The following NBEA variants were observed in gnomAD, a reference collection of about 807,000 sequenced individuals.
NBEA encodes the protein lysosomal-trafficking regulator 2.
Under a neutral mutation model 343.4 loss-of-function variants are expected in NBEA, and 44 were observed. The ratio of observed to expected loss-of-function variants is 0.13; its 90% CI spans 0.10 to 0.16. The LOEUF is 0.16. NBEA is among the 10% of genes least tolerant of loss of function. The pLI, the probability that NBEA is intolerant of heterozygous loss-of-function variation, is 1.00. For synonymous variants in NBEA, 1,175 were observed against 1,238.7 expected (o/e 0.95, Z 1.08); for missense variants, 2,555 against 3,631.3 (o/e 0.70, Z 7.62).
chr13:35,269,277 C>G (rs770451113), intron 34 of NBEA, among the ~76,000 whole-genome samples: 1 of 151,928 alleles, frequency 6.6e-6, no homozygotes, highest in Non-Finnish European at 1.5e-5. Flanking sequence ...TATTCAATAC[C>G]TAGTCATAAT....
intron 39 of NBEA, among the ~76,000 whole-genome samples, chr13:35,449,059 A>G (rs2046177530): frequency 6.6e-6 from 1 of 152,206 alleles, no homozygotes; most frequent in Admixed American, 6.5e-5. Flanking sequence ...ATGTGAAAGC[A>G]TGACATATTT....
intron 49 of NBEA, among the ~76,000 whole-genome samples, chr13:35,641,649 T>G (rs7992104): frequency 0.068 from 10,303 of 152,152 alleles, 394 homozygotes; most frequent in African/African-American, 0.093. Context: ...AGAATAATTA[T>G]TAGCTTGACA....
At chr13:35,095,357 G>A (rs2065280792) in intron 10 of NBEA, among the ~76,000 whole-genome samples, 1 of 150,944 alleles carries the variant, frequency 6.6e-6, no homozygotes, top group Non-Finnish European at 1.5e-5. Flanking sequence ...TTTATACATA[G>A]TTAATAAATA....
chr13:35,196,919 A>G (rs901419748), intron 31 of NBEA, among the ~76,000 whole-genome samples: 5 of 152,124 alleles, frequency 3.3e-5, no homozygotes, highest in African/African-American at 9.7e-5. Flanking sequence ...TATTTATAAC[A>G]TGGCCCATAT....
intron 41 of NBEA, among the ~76,000 whole-genome samples, chr13:35,506,811 C>G (rs1028698090): frequency 8.5e-5 from 13 of 152,102 alleles, no homozygotes; most frequent in African/African-American, 2.9e-4. Flanking sequence ...CAAACCATTT[C>G]TCAAATTATA....
intron 30 of NBEA, among the ~76,000 whole-genome samples, chr13:35,193,579 C>G (rs61947435): frequency 0.098 from 14,953 of 151,866 alleles, 937 homozygotes; most frequent in African/African-American, 0.19. Flanking sequence ...TTAGTCTTCT[C>G]TGACAAGATT....
At chr13:35,086,293 T>C (rs1469335446) in intron 10 of NBEA, among the ~76,000 whole-genome samples, 1 of 151,646 alleles carries the variant, frequency 6.6e-6, no homozygotes, top group African/African-American at 2.4e-5. Flanking sequence ...GCCGTTTTGG[T>C]AACATTTTAA....
intron 36 of NBEA, among the ~76,000 whole-genome samples, chr13:35,335,214 G>A (rs1594258366): frequency 6.6e-6 from 1 of 152,154 alleles, no homozygotes; most frequent in East Asian, 1.9e-4. Context: ...CTGTTTTTAT[G>A]CCAGTAACAT....
chr13:35,357,476 T>A (rs901018118), intron 38 of NBEA, among the ~76,000 whole-genome samples: 4 of 152,042 alleles, frequency 2.6e-5, no homozygotes, highest in Admixed American at 6.6e-5. Context: ...TAGGCCCCAG[T>A]GTGTGTTGTT....
intron 41 of NBEA, among the ~76,000 whole-genome samples, chr13:35,537,495 A>C (rs780878941): frequency 4.6e-5 from 7 of 152,166 alleles, no homozygotes; most frequent in Non-Finnish European, 7.3e-5. Context: ...CTTATAGTCT[A>C]GTGGAGGAGA....
chr13:35,307,617 A>G (rs937094593), intron 35 of NBEA, among the ~76,000 whole-genome samples: 2 of 152,092 alleles, frequency 1.3e-5, no homozygotes, highest in African/African-American at 4.8e-5. Context: ...GTTTATGGTG[A>G]CTAAAGAGTC....
chr13:35,598,610 A>G (rs560618401), intron 47 of NBEA, among the ~76,000 whole-genome samples: 5 of 152,190 alleles, frequency 3.3e-5, no homozygotes, highest in Non-Finnish European at 5.9e-5. Context: ...AATACTCACA[A>G]ATCCTTTTGG....
intron 1 of NBEA, among the ~76,000 whole-genome samples, chr13:34,997,145 G>C (rs558158370): frequency 6.6e-6 from 1 of 152,158 alleles, no homozygotes; most frequent in African/African-American, 2.4e-5. Flanking sequence ...ATATGACTTT[G>C]TTTTCCAGTG....
At chr13:35,108,266 T>G (rs937493121) in intron 11 of NBEA, among the ~76,000 whole-genome samples, 2 of 152,062 alleles carry the variant, frequency 1.3e-5, no homozygotes, top group Non-Finnish European at 2.9e-5. Flanking sequence ...CAAAATAGTA[T>G]CACTAGATGA....
intron 41 of NBEA, among the ~76,000 whole-genome samples, chr13:35,492,906 TGAA>T (rs771752605): frequency 4.0e-5 from 6 of 151,734 alleles, no homozygotes; most frequent in Non-Finnish European, 7.4e-5. Context: ...CAACCCTAGA[TGAA>T]GGAGAAAAGT....
At chr13:35,502,509 T>C (rs2076925025) in intron 41 of NBEA, among the ~76,000 whole-genome samples, 1 of 151,972 alleles carries the variant, frequency 6.6e-6, no homozygotes, top group South Asian at 2.1e-4. Context: ...GTTTTTTTTT[T>C]TCTTTTCTTT....
intron 27 of NBEA, among the ~76,000 whole-genome samples, chr13:35,175,109 A>G (rs960813748): frequency 5.9e-5 from 9 of 152,092 alleles, no homozygotes; most frequent in Non-Finnish European, 1.0e-4. Context: ...TATTTATAGC[A>G]CTATGAGTAC....
chr13:35,311,062 CT>C, intron 36 of NBEA, among the ~76,000 whole-genome samples: 1 of 152,088 alleles, frequency 6.6e-6, no homozygotes, highest in East Asian at 1.9e-4. Context: ...TTAAAATAGG[CT>C]TTGCATTCAC....
At chr13:35,002,352 A>G (rs1319787457) in intron 1 of NBEA, among the ~76,000 whole-genome samples, 1 of 152,146 alleles carries the variant, frequency 6.6e-6, no homozygotes, top group Non-Finnish European at 1.5e-5. Flanking sequence ...CAGGGCAGGA[A>G]CTCTGTGAGT....
Sources: gnomAD v4.1 joint callset for allele counts (sites outside exome capture counted in the v4.1 genomes callset) on GRCh38, gnomAD v4.1.1 for gene constraint, MANE v1.5 for transcripts, NCBI Gene and HGNC (gene_info 2026-07-23, HGNC 2026-07-21) for gene names.